The following PBX1 variants were observed in gnomAD, a reference collection of about 807,000 sequenced individuals.
The protein encoded by PBX1 is PBX homeobox 1.
Under a neutral mutation model 53.4 loss-of-function variants are expected in PBX1, and 6 were observed. The observed-to-expected ratio is 0.11, with a 90% CI of 0.06 to 0.22. The LOEUF is 0.22. Ranked by LOEUF, PBX1 falls within the 10% of genes least tolerant of loss-of-function variation. The pLI is 1.00. For missense variants in PBX1, 251 were observed against 551.4 expected, an observed-to-expected ratio of 0.46 and a Z score of 5.46; for synonymous variants, 204 against 212.3, an observed-to-expected ratio of 0.96 and a Z score of 0.34.
chr1:164,836,061 A>G (rs1313626475), intron 8 of PBX1, among the ~76,000 whole-genome samples: 1 of 152,168 alleles, frequency 6.6e-6, no homozygotes, highest in African/African-American at 2.4e-5. Flanking sequence ...TGGCTTGTTT[A>G]TATAGCCAGG....
chr1:164,806,542 C>T (rs1029077205), intron 4 of PBX1, among the ~76,000 whole-genome samples: 4 of 152,114 alleles, frequency 2.6e-5, no homozygotes, highest in African/African-American at 9.7e-5. Flanking sequence ...TTATTTTTAA[C>T]TTATGGCTGC....
chr1:164,680,809 A>G (rs1204180150), intron 2 of PBX1: 3 of 152,288 alleles, frequency 2.0e-5, no homozygotes, highest in East Asian at 1.9e-4. Context: ...ATAGTTGAAG[A>G]CTTATTTTTT....
chr1:164,619,304 T>C (rs950144415), intron 2 of PBX1, among the ~76,000 whole-genome samples: 6 of 152,148 alleles, frequency 3.9e-5, no homozygotes, highest in Admixed American at 1.3e-4. Flanking sequence ...GGGTGGGGCA[T>C]TGGATCTTCA....
At chr1:164,700,479 G>A (rs1220811323) in intron 2 of PBX1, 4 of 985,200 alleles carry the variant, frequency 4.1e-6, no homozygotes, top group Non-Finnish European at 4.8e-6. Context: ...TCTCTTAGTG[G>A]CACCCGAAGG....
intron 2 of PBX1, among the ~76,000 whole-genome samples, chr1:164,781,064 G>A (rs1213993754): frequency 6.6e-6 from 1 of 152,164 alleles, no homozygotes; most frequent in African/African-American, 2.4e-5. Flanking sequence ...TTAGCAGCAC[G>A]GCATGTGCTT....
At chr1:164,810,057 A>G (rs1250224886) in intron 5 of PBX1, among the ~76,000 whole-genome samples, 1 of 152,122 alleles carries the variant, frequency 6.6e-6, no homozygotes, top group African/African-American at 2.4e-5. Flanking sequence ...CACAGCTACA[A>G]ATAATACCTC....
chr1:164,680,757 T>C (rs1169489225), intron 2 of PBX1: 1 of 152,250 alleles, frequency 6.6e-6, no homozygotes, highest in African/African-American at 2.4e-5. Flanking sequence ...GGTCTCCCTT[T>C]GGACACAATG....
At chr1:164,615,938 G>T (rs1164539395) in intron 2 of PBX1, among the ~76,000 whole-genome samples, 4 of 152,180 alleles carry the variant, frequency 2.6e-5, no homozygotes, top group Non-Finnish European at 4.4e-5. Context: ...TAAGAGCCAG[G>T]AGTCTGGGGA....
intron 1 of PBX1, chr1:164,560,541 T>C (rs973096516): frequency 2.1e-5 from 3 of 143,680 alleles, no homozygotes; most frequent in Non-Finnish European, 3.8e-5. Flanking sequence ...TTTTTATCTT[T>C]TCTCCTTTCT....
intron 2 of PBX1, chr1:164,700,329 G>T (rs1361435027): frequency 2.5e-6 from 1 of 407,440 alleles, no homozygotes; most frequent in Non-Finnish European, 3.3e-6. Context: ...GGCTGTGTGA[G>T]ACAGAATGTG....
chr1:164,833,238 A>G (rs1233408610), intron 8 of PBX1, among the ~76,000 whole-genome samples: 59 of 152,178 alleles, frequency 3.9e-4, no homozygotes. Flanking sequence ...AAGGTAAGCA[A>G]AATAGATCTG....
At chr1:164,615,765 A>C (rs1657236955) in intron 2 of PBX1, among the ~76,000 whole-genome samples, 1 of 152,194 alleles carries the variant, frequency 6.6e-6, no homozygotes, top group Admixed American at 6.5e-5. Context: ...ACAACTAAAT[A>C]AAACCCACGA....
intron 2 of PBX1, among the ~76,000 whole-genome samples, chr1:164,859,614 G>T (rs923066705): frequency 6.6e-6 from 1 of 152,162 alleles, no homozygotes; most frequent in Non-Finnish European, 1.5e-5. Context: ...CTGCTGAAAA[G>T]TTTGTGAGTC....
intron 2 of PBX1, among the ~76,000 whole-genome samples, chr1:164,861,543 T>C (rs933390269): frequency 6.6e-6 from 1 of 152,070 alleles, no homozygotes; most frequent in African/African-American, 2.4e-5. Context: ...GACTAGGTAA[T>C]AAGGAAAAAA....
chr1:164,728,415 G>T (rs1165155446), intron 2 of PBX1, among the ~76,000 whole-genome samples: 4 of 151,982 alleles, frequency 2.6e-5, no homozygotes, highest in Non-Finnish European at 5.9e-5. Flanking sequence ...CACAAGTGTT[G>T]AAAAGGTTCT....
intron 2 of PBX1, among the ~76,000 whole-genome samples, chr1:164,644,274 T>G (rs1455589639): frequency 6.6e-6 from 1 of 152,250 alleles, no homozygotes; most frequent in African/African-American, 2.4e-5. Context: ...TTGAATTTAT[T>G]GGTGGATCCA....
chr1:164,576,605 C>T (rs1654258797), intron 2 of PBX1, among the ~76,000 whole-genome samples: 2 of 152,238 alleles, frequency 1.3e-5, no homozygotes, highest in Non-Finnish European at 2.9e-5. Flanking sequence ...CTTGCCTGGC[C>T]CGGGTTGCAG....
chr1:164,583,688 T>A (rs1654773897), intron 2 of PBX1, among the ~76,000 whole-genome samples: 1 of 152,218 alleles, frequency 6.6e-6, no homozygotes, highest in African/African-American at 2.4e-5. Context: ...GGGCTGTTAA[T>A]TTTTAGATAC....
At position 164,848,899 on chromosome 1, in the gene PBX1, C is replaced by CA. The variant is rs1209057805; in HGVS notation, c.*2228dup. On this transcript the variant is annotated 3_prime_UTR_variant, in exon 9 of 9. Coordinates refer to ENST00000420696, the MANE Select transcript of PBX1 (RefSeq NM_002585.4). ...AGGGAATGTGTATTTGAAGGAAATGCAAAAACTAAGTATTTAGCAAAATGA... is the reference window on the plus strand; with the variant it reads ...AGGGAATGTGTATTTGAAGGAAATGCAAAAAACTAAGTATTTAGCAAAATGA... 1 of 1,068,154 alleles carries CA rather than the reference C, an allele frequency of 9.4e-7. No homozygotes were observed. Among genetic ancestry groups the CA allele is most frequent in the Admixed American group, 5.3e-5 (1 of 18,850 alleles). 66.2% of individuals were successfully genotyped at this position (1,068,154 alleles called of 1,614,324 possible).
Sources: gnomAD v4.1 joint callset for allele counts (sites outside exome capture counted in the v4.1 genomes callset) on GRCh38, gnomAD v4.1.1 for gene constraint, MANE v1.5 for transcripts, NCBI Gene and HGNC (gene_info 2026-07-23, HGNC 2026-07-21) for gene names.